Variants in NIN observed in about 807,000 individuals in gnomAD.
NIN encodes ninein, also known as glycogen synthase kinase 3 beta-interacting protein.
A neutral mutation model predicts 257.6 loss-of-function variants in NIN; 137 were observed. That is an observed-to-expected ratio of 0.53 (90% CI 0.46 to 0.61). The LOEUF (loss-of-function observed/expected upper bound fraction) is 0.61, where lower values mean the gene tolerates loss of function less well. NIN is among the 20% of genes least tolerant of loss of function. The pLI is 0.00. For missense variants in NIN, 2,439 were observed against 2,501.2 expected, an observed-to-expected ratio of 0.98 and a Z score of 0.53; for synonymous variants, 918 against 919.8, an observed-to-expected ratio of 1.00 and a Z score of 0.04.
chr14:50,827,943 C>T (rs2142562412), intron 2 of NIN, among the ~76,000 whole-genome samples: 2 of 150,484 alleles, frequency 1.3e-5, no homozygotes, highest in South Asian at 2.1e-4. Context: ...ATTACCCAAT[C>T]AAGTAGTTAA....
intron 22 of NIN, among the ~76,000 whole-genome samples, chr14:50,747,612 T>C (rs147498608): frequency 0.012 from 1,868 of 152,034 alleles, 37 homozygotes; most frequent in African/African-American, 0.043. Flanking sequence ...TGGGCACCTG[T>C]AATCCCAGCT....
rs71118902 is a variant in NIN, at chr14:50,800,007, TACACAC to T, written c.265+6724_265+6729del. Among the ~76,000 whole-genome samples, 412 of 148,260 alleles carry T rather than the reference TACACAC, an allele frequency of 2.8e-3. 6 individuals are homozygous for T. In the South Asian group the frequency reaches 0.037, roughly 13 times the overall value. On this transcript the variant is annotated intron_variant, in intron 4 of 30. Coordinates refer to ENST00000530997, the MANE Select transcript of NIN (RefSeq NM_020921.4). ...AAAAAACAAACAATATATATACACA[TACACAC>T]ACACACACACACACACACACACACA...
rs1167851223 is a variant in NIN at position 50,729,859 on chromosome 14, C to T, written c.5878-136G>A. ...GACCCACTGAAACTTGGAAACAGGA[C>T]AGCATATGGGCCCGAGGAATACAGA... On this transcript the variant is annotated intron_variant, in intron 28 of 30. Coordinates refer to ENST00000530997, the MANE Select transcript of NIN (RefSeq NM_020921.4). 5.1e-5 allele frequency: 31 copies of T among 607,606 alleles called. No homozygotes were observed. In the South Asian group the frequency reaches 8.1e-4, roughly 16 times the overall value. 37.6% of individuals were successfully genotyped at this position (607,606 alleles called of 1,614,324 possible). A position where few individuals can be genotyped will look rare whatever the true frequency, so the allele number is the denominator to read the frequency against.
In NIN at chr14:50,752,669, T is replaced by C; in HGVS notation, c.4799A>G (p.Asn1600Ser). 2 of 1,613,736 alleles carry C rather than the reference T, an allele frequency of 1.2e-6. No individual in the cohort carries two copies. Among genetic ancestry groups the C allele is most frequent in the Non-Finnish European group, 1.7e-6 (2 of 1,179,764 alleles). Residue 1600 changes from asparagine (N) to serine (S), a missense_variant, in exon 21 of 31, where the codon AAC becomes AGC. Physicochemically the swap from Asn to Ser is conservative, Grantham distance 46. This residue lies in a region of NIN where 2,043 missense variants were observed against 2,050.2 expected (regional missense o/e 1.00). Coordinates refer to ENST00000530997, the MANE Select transcript of NIN (RefSeq NM_020921.4). ...DLENTELSQK[N>S]SQNQEKLQEL... The stretch of plus-strand genomic sequence containing the variant: ...TTGCAGTTTTTCCTGGTTTTGAGAG[T>C]TCTTTTGGCTAAGTTCTGTATTTTC...
At chr14:50,808,074 C>A (rs1372323421) in intron 3 of NIN, among the ~76,000 whole-genome samples, 1 of 152,172 alleles carries the variant, frequency 6.6e-6, no homozygotes, top group Non-Finnish European at 1.5e-5. Flanking sequence ...CACATAGTTA[C>A]CTTTTTACAG....
At chr14:50,732,226 G>T (rs1056132334) in intron 28 of NIN, among the ~76,000 whole-genome samples, 2 of 152,150 alleles carry the variant, frequency 1.3e-5, no homozygotes, top group Non-Finnish European at 2.9e-5. Flanking sequence ...CACATATCAG[G>T]TTAGAACCAT....
At chr14:50,828,887 G>GAAAAAGAAATAAGA (rs1023544672) in intron 2 of NIN, among the ~76,000 whole-genome samples, 1 of 152,078 alleles carries the variant, frequency 6.6e-6, no homozygotes, top group African/African-American at 2.4e-5. Context: ...CATCTAAAAT[G>GAAAAAGAAATAAGA]AAAAAGAAAT....
chr14:50,738,266 AT>A lies in NIN; in HGVS notation c.5648del (p.Asn1883IlefsTer10). ...GATGTTTTTGGTGCTTGGGAAGAAG[AT>A]TGGATTCCAACTGACGGACCTAACA... ...SREKVRQLESNLLPKHQKHLN... is the reference protein window; with the variant it reads ...SREKVRQLESXLLPKHQKHLN... On this transcript the variant is annotated frameshift_variant, in exon 27 of 31. Transcript: ENST00000530997. LOFTEE classifies it high-confidence loss of function. 6.2e-7 allele frequency: 1 copy of A among 1,613,856 alleles called. No homozygotes were observed. Among genetic ancestry groups the A allele is most frequent in the African/African-American group, 1.3e-5 (1 of 75,034 alleles).
intron 2 of NIN, chr14:50,823,152 TG>T: frequency 1.9e-6 from 1 of 518,066 alleles, no homozygotes; most frequent in South Asian, 1.6e-5. Flanking sequence ...TAATGAAATC[TG>T]TGGTTTTTTT....
chr14:50,794,040 C>T (rs894160186), intron 4 of NIN, among the ~76,000 whole-genome samples: 3 of 152,110 alleles, frequency 2.0e-5, no homozygotes, highest in Non-Finnish European at 2.9e-5. Flanking sequence ...ATTATGTACA[C>T]GTATTATAAA....
intron 18 of NIN, among the ~76,000 whole-genome samples, chr14:50,755,668 TTTTTTTTTTTA>T (rs1290491406): frequency 2.8e-4 from 22 of 79,918 alleles, no homozygotes; most frequent in Admixed American, 3.0e-4. Flanking sequence ...TTTTTTTTTT[TTTTTTTTTTTA>T]AAAGAGACAG....
intron 3 of NIN, among the ~76,000 whole-genome samples, chr14:50,810,684 T>C (rs1023626426): frequency 6.6e-5 from 10 of 152,158 alleles, no homozygotes; most frequent in Non-Finnish European, 1.0e-4. Context: ...TTTTTTGAGA[T>C]GGAGTCTGGC....
At chr14:50,825,807 T>A (rs998267925) in intron 2 of NIN, among the ~76,000 whole-genome samples, 12 of 152,176 alleles carry the variant, frequency 7.9e-5, no homozygotes, top group African/African-American at 2.7e-4. Context: ...CACACAACAC[T>A]CCATGGCCAC....
At chr14:50,773,976 T>C (rs1378291093) in intron 7 of NIN, among the ~76,000 whole-genome samples, 1 of 152,208 alleles carries the variant, frequency 6.6e-6, no homozygotes, top group African/African-American at 2.4e-5. Context: ...GTCAGATTCC[T>C]CTTTATTCTG....
intron 9 of NIN, chr14:50,772,039 A>T: frequency 2.8e-6 from 1 of 357,182 alleles, no homozygotes; most frequent in Non-Finnish European, 5.1e-6. Flanking sequence ...CAACAACAAC[A>T]ACACTATCTG....
chr14:50,745,904 A>G (rs1041789069), intron 22 of NIN, among the ~76,000 whole-genome samples: 2 of 152,196 alleles, frequency 1.3e-5, no homozygotes, highest in African/African-American at 4.8e-5. Context: ...GTTGTATAAT[A>G]GCAATGATGG....
chr14:50,829,588 G>C (rs950914426), intron 2 of NIN, among the ~76,000 whole-genome samples: 1 of 152,202 alleles, frequency 6.6e-6, no homozygotes, highest in Non-Finnish European at 1.5e-5. Context: ...AAATTCAGGA[G>C]TTGAGCTGTA....
chr14:50,719,971 T>G lies in NIN; in HGVS notation c.*3492A>C, dbSNP rs1316953230. ...TAGAGATGGCTTTAGATAATCTGTTTTTCCTTCACAAACCAATGTTCCCTT... is the reference window on the plus strand; with the variant it reads ...TAGAGATGGCTTTAGATAATCTGTTGTTCCTTCACAAACCAATGTTCCCTT... On this transcript the variant is annotated 3_prime_UTR_variant, in exon 31 of 31. Coordinates refer to ENST00000530997, the MANE Select transcript of NIN (RefSeq NM_020921.4). The G allele has an allele frequency of 4.6e-6, 1 of 216,136 alleles. No homozygotes were observed. The highest frequency in any genetic ancestry group is 9.3e-6 in the Non-Finnish European group (1 of 107,054). 13.4% of individuals were successfully genotyped at this position (216,136 alleles called of 1,614,324 possible). A position where few individuals can be genotyped will look rare whatever the true frequency, so the allele number is the denominator to read the frequency against.
chr14:50,740,381 C>T (rs138026994), intron 25 of NIN, among the ~76,000 whole-genome samples: 1,855 of 151,302 alleles, frequency 0.012, 32 homozygotes, highest in African/African-American at 0.043. Flanking sequence ...CAAAGTCTAG[C>T]TCTGTCGCCC....
Sources: gnomAD v4.1 joint callset for allele counts (sites outside exome capture counted in the v4.1 genomes callset) on GRCh38, gnomAD v4.1.1 for gene constraint, gnomAD v4.1.1 regional missense constraint, MANE v1.5 for transcripts, NCBI Gene and HGNC (gene_info 2026-07-23, HGNC 2026-07-21) for gene names.